The following PLCG2 variants were observed in gnomAD, a reference collection of about 807,000 sequenced individuals.
PLCG2 encodes the protein phospholipase C gamma 2.
In PLCG2, 69 loss-of-function variants were observed where a neutral mutation model predicts 175.6. The observed-to-expected ratio is 0.39, with a 90% CI of 0.32 to 0.48. PLCG2 has a LOEUF of 0.48. Among genes scored for constraint, PLCG2 ranks in the 20% least tolerant of loss-of-function variants. The probability of loss-of-function intolerance (pLI) is 0.91; values close to 1 mark genes in which losing one functional copy is unlikely to be tolerated. For synonymous variants in PLCG2, 827 were observed against 624.0 expected (o/e 1.33, Z -4.85); for missense variants, 1,798 against 1,650.9 (o/e 1.09, Z -1.54).
At position 81,958,931 on chromosome 16, in the gene PLCG2, G is replaced by A. The variant is rs1911679898; in HGVS notation, c.*933G>A. 4.5e-6 allele frequency: 1 copy of A among 222,200 alleles called. No homozygotes were observed. Among genetic ancestry groups the A allele is most frequent in the Non-Finnish European group, 9.0e-6 (1 of 111,192 alleles). 13.8% of individuals were successfully genotyped at this position (222,200 alleles called of 1,614,324 possible). ...ACCCAGTCTTCTGGAGCAGCAAGCT[G>A]AGCTTTAATGGGCTAAGCATTAGGG... On this transcript the variant is annotated 3_prime_UTR_variant, in exon 33 of 33. Coordinates refer to ENST00000564138, the MANE Select transcript of PLCG2 (RefSeq NM_002661.5).
rs775792374 is a variant in PLCG2 at position 81,937,810 on chromosome 16, C to A, written c.3105C>A (p.Gly1035=). 6.2e-6 allele frequency: 10 copies of A among 1,613,882 alleles called. 1 individual carries two copies. The South Asian group carries it at 1.1e-4, about 18-fold the overall frequency. ...TGTTTTCTCTCAATGGGCGCACGGG[C>A]TACGTTCTGCAGCCTGAGAGCATGA... The part of the protein sequence containing the change: ...HALFSLNGRT[G]YVLQPESMRT... Residue 1035 remains glycine, a synonymous_variant, in exon 28 of 33, where the codon GGC becomes GGA. Transcript: ENST00000564138.
intron 2 of PLCG2, among the ~76,000 whole-genome samples, chr16:81,787,306 C>T (rs968492321): frequency 1.3e-5 from 2 of 152,002 alleles, no homozygotes; most frequent in East Asian, 3.9e-4. Context: ...ACTGCAGCCT[C>T]AGCCCCCTGG....
rs114305682 is a variant in PLCG2 at position 81,877,651 on chromosome 16, C to T, written c.649-3259C>T. Among the ~76,000 whole-genome samples the T allele has an allele frequency of 3.7e-3, 556 of 152,322 alleles. 7 individuals carry two copies. Among genetic ancestry groups the T allele is most frequent in the African/African-American group, 0.013 (529 of 41,574 alleles). On this transcript the variant is annotated intron_variant, in intron 7 of 32. Transcript: ENST00000564138. Reference sequence around the variant, plus strand: ...TCGGAGTGTGGACACCGCCTGGCTGCTGGTGGCTGCCAGCAGTCCTACAAG... The same window carrying T: ...TCGGAGTGTGGACACCGCCTGGCTGTTGGTGGCTGCCAGCAGTCCTACAAG...
intron 2 of PLCG2, among the ~76,000 whole-genome samples, chr16:81,769,381 A>G (rs1002248910): frequency 6.6e-6 from 1 of 152,156 alleles, no homozygotes; most frequent in African/African-American, 2.4e-5. Context: ...GGCGGGCGGC[A>G]GTTAAATGCG....
At chr16:81,804,421 C>G (rs1415030471) in intron 2 of PLCG2, among the ~76,000 whole-genome samples, 1 of 152,188 alleles carries the variant, frequency 6.6e-6, no homozygotes, top group East Asian at 1.9e-4. Flanking sequence ...GGGGTTGGTG[C>G]TGACTAGGGC....
chr16:81,953,250 G>C (rs1007886157), intron 31 of PLCG2, among the ~76,000 whole-genome samples: 2 of 152,330 alleles, frequency 1.3e-5, no homozygotes, highest in African/African-American at 2.4e-5. Flanking sequence ...AGGAAAAGGA[G>C]ACTGGTGGAA....
At chr16:81,866,374 G>T (rs1907235798) in intron 5 of PLCG2, among the ~76,000 whole-genome samples, 1 of 129,284 alleles carries the variant, frequency 7.7e-6, no homozygotes, top group African/African-American at 2.9e-5. Context: ...GAGCTCCACT[G>T]GGGCACCAGC....
At chr16:81,772,549 C>T (rs991910342) in intron 2 of PLCG2, among the ~76,000 whole-genome samples, 1 of 151,956 alleles carries the variant, frequency 6.6e-6, no homozygotes, top group East Asian at 1.9e-4. Context: ...GTGGCTCACG[C>T]CTATAATCCC....
chr16:81,802,225 G>T (rs537445486), intron 2 of PLCG2, among the ~76,000 whole-genome samples: 9 of 144,624 alleles, frequency 6.2e-5, no homozygotes, highest in Admixed American at 2.9e-4. Context: ...CCATTCTCTT[G>T]CCTCAGCCTC....
chr16:81,744,433 G>T (rs1909663868), intron 1 of PLCG2, among the ~76,000 whole-genome samples: 1 of 152,102 alleles, frequency 6.6e-6, no homozygotes, highest in Admixed American at 6.5e-5. Flanking sequence ...AAAGTGTTGG[G>T]ATTACAGGCG....
chr16:81,802,215 C>G (rs144993952), intron 2 of PLCG2, among the ~76,000 whole-genome samples: 4,161 of 147,656 alleles, frequency 0.028, 98 homozygotes, highest in African/African-American at 0.063. Context: ...CGGGTTCACA[C>G]CATTCTCTTG....
intron 19 of PLCG2, 86 bp downstream of exon 19, chr16:81,912,802 G>A: frequency 6.9e-7 from 1 of 1,442,172 alleles, no homozygotes; most frequent in South Asian, 1.4e-5. Context: ...TTCAGGTGGA[G>A]GCTCACCTGC....
chr16:81,849,402 A>G (rs932524969), intron 2 of PLCG2, among the ~76,000 whole-genome samples: 1 of 152,184 alleles, frequency 6.6e-6, no homozygotes, highest in Non-Finnish European at 1.5e-5. Context: ...TGTCTAAAAA[A>G]GTTTTTCTTT....
At chr16:81,856,894 G>T (rs12930443) in intron 3 of PLCG2, among the ~76,000 whole-genome samples, 46,730 of 152,036 alleles carry the variant, frequency 0.31, 7,809 homozygotes, top group South Asian at 0.38. Context: ...AGAAAGAGAT[G>T]TGAGGATGGA....
Position 81,905,467 on chromosome 16 carries a change from A to G in PLCG2, c.1427A>G (p.Lys476Arg), listed in dbSNP as rs781145125. 8 of 1,614,106 alleles carry G rather than the reference A, an allele frequency of 5.0e-6. No individual in the cohort carries two copies. In the East Asian group the frequency reaches 1.6e-4, roughly 31 times the overall value. ...ATGGAGGACAAGAAGGACGAACACA[A>G]GCAACAGGGGGAGCTGTACATGTGG... Reference protein sequence around the residue: ...VNMEDKKDEHKQQGELYMWDS... With the variant: ...VNMEDKKDEHRQQGELYMWDS... Residue 476 changes from lysine to arginine, a missense_variant, in exon 15 of 33, where the codon AAG becomes AGG. Physicochemically the swap from Lys to Arg is conservative, Grantham distance 26. Coordinates refer to ENST00000564138, the MANE Select transcript of PLCG2 (RefSeq NM_002661.5).
intron 2 of PLCG2, among the ~76,000 whole-genome samples, chr16:81,816,725 C>T (rs553345557): frequency 1.1e-4 from 13 of 123,092 alleles, no homozygotes; most frequent in Admixed American, 4.3e-4. Context: ...TGGTCTTAAA[C>T]TCCTGGGCTA....
At chr16:81,833,661 C>G (rs1030845039) in intron 2 of PLCG2, among the ~76,000 whole-genome samples, 1 of 151,876 alleles carries the variant, frequency 6.6e-6, no homozygotes, top group African/African-American at 2.4e-5. Flanking sequence ...TCCTGAGTAG[C>G]TGGGACCACA....
At chr16:81,893,617 A>C (rs1908741507) in intron 11 of PLCG2, 92 bp from the exon 12 acceptor site, 2 of 769,068 alleles carry the variant, frequency 2.6e-6, no homozygotes, top group South Asian at 2.8e-5. Context: ...GCTCGGGCGG[A>C]GAAGTTCCCC....
intron 2 of PLCG2, among the ~76,000 whole-genome samples, chr16:81,833,183 C>T (rs141690434): frequency 5.3e-5 from 8 of 152,294 alleles, no homozygotes; most frequent in East Asian, 1.9e-4. Flanking sequence ...GAGGATACCA[C>T]GTTTGGGGTT....
Sources: allele counts gnomAD v4.1 joint callset (sites outside exome capture counted in the v4.1 genomes callset), GRCh38; gene constraint gnomAD v4.1.1; transcripts MANE v1.5; gene names NCBI Gene and HGNC (gene_info 2026-07-23, HGNC 2026-07-21).